MRAP2: variants seen among roughly 807,000 people sequenced by gnomAD.
MRAP2 encodes the protein melanocortin-2 receptor accessory protein 2.
MRAP2 carries 20 observed loss-of-function variants against 17.4 expected under a neutral mutation model. That is an observed-to-expected ratio of 1.15 (90% CI 0.81 to 1.67). The LOEUF is 1.67. Ranked by LOEUF, MRAP2 falls within the 40% of genes most tolerant of loss-of-function variation. The pLI, the probability that MRAP2 is intolerant of heterozygous loss-of-function variation, is 0.00. For synonymous variants in MRAP2, 96 were observed against 88.4 expected, an observed-to-expected ratio of 1.09 and a Z score of -0.48; for missense variants, 238 against 240.0, an observed-to-expected ratio of 0.99 and a Z score of 0.05.
At chr6:84,047,813 T>C (rs918025520) in intron 1 of MRAP2, among the ~76,000 whole-genome samples, 3 of 152,236 alleles carry the variant, frequency 2.0e-5, no homozygotes. Context: ...ACCAACCCAA[T>C]ACTTGCTGTC....
chr6:84,067,383 C>G (rs1391857114), intron 3 of MRAP2, among the ~76,000 whole-genome samples: 1 of 152,154 alleles, frequency 6.6e-6, no homozygotes, highest in Non-Finnish European at 1.5e-5. Context: ...TTCTTTTCTT[C>G]TGGGTAGATA....
chr6:84,040,089 C>T (rs533202864), intron 1 of MRAP2, among the ~76,000 whole-genome samples: 21 of 152,258 alleles, frequency 1.4e-4, no homozygotes, highest in Middle Eastern at 3.4e-3. Context: ...CCCCATGTGT[C>T]GTGGGAGGGA....
chr6:84,058,244 T>C (rs960259974), intron 2 of MRAP2, among the ~76,000 whole-genome samples: 1 of 152,180 alleles, frequency 6.6e-6, no homozygotes, highest in Non-Finnish European at 1.5e-5. Flanking sequence ...TTTGCCATAG[T>C]CCAGGCAGCT....
intron 1 of MRAP2, among the ~76,000 whole-genome samples, chr6:84,050,666 G>A (rs902923716): frequency 6.6e-6 from 1 of 152,242 alleles, no homozygotes; most frequent in Non-Finnish European, 1.5e-5. Flanking sequence ...ACTTCTCTAT[G>A]TTGTGCGGGG....
chr6:84,130,390 G>T, the MRAP2 span, among the ~76,000 whole-genome samples: 1 of 152,118 alleles, frequency 6.6e-6, no homozygotes, highest in Non-Finnish European at 1.5e-5. Flanking sequence ...TTAGGGAGGA[G>T]TCCCTCTTTT....
At chr6:84,071,174 C>T (rs1356977409) in intron 3 of MRAP2, among the ~76,000 whole-genome samples, 1 of 151,954 alleles carries the variant, frequency 6.6e-6, no homozygotes, top group Non-Finnish European at 1.5e-5. Context: ...TTTCATAGGT[C>T]CTGTGTGATT....
At chr6:84,087,840 C>T (rs912836449) in intron 3 of MRAP2, among the ~76,000 whole-genome samples, 1 of 152,068 alleles carries the variant, frequency 6.6e-6, no homozygotes, top group African/African-American at 2.4e-5. Context: ...TTGATGTCAC[C>T]CAGGTAACCA....
chr6:84,068,315 A>C lies in MRAP2; in HGVS notation c.227+5323A>C, dbSNP rs116614916. On this transcript the variant is annotated intron_variant, in intron 3 of 3. Coordinates refer to ENST00000257776, the MANE Select transcript of MRAP2 (RefSeq NM_138409.4). The stretch of plus-strand genomic sequence containing the variant: ...CTTATAGTATAGTTTGAAACCAGAT[A>C]GTATGATCCCTCCAGATTTGTTCTT... Among the ~76,000 whole-genome samples the C allele has an allele frequency of 5.9e-3, 906 of 152,304 alleles. 5 individuals are homozygous for C. Among genetic ancestry groups the C allele is most frequent in the African/African-American group, 0.021 (874 of 41,564 alleles).
the MRAP2 span, among the ~76,000 whole-genome samples, chr6:84,096,157 T>C: frequency 2.6e-5 from 4 of 152,258 alleles, no homozygotes; most frequent in East Asian, 7.7e-4. Context: ...AACTCTGTTT[T>C]TCTCCATCCC....
At chr6:84,050,056 A>C (rs909960646) in intron 1 of MRAP2, among the ~76,000 whole-genome samples, 1 of 152,164 alleles carries the variant, frequency 6.6e-6, no homozygotes, top group African/African-American at 2.4e-5. Flanking sequence ...CTTCAAAAGT[A>C]AGAGTCATAC....
chr6:84,109,299 C>A, the MRAP2 span, among the ~76,000 whole-genome samples: 9 of 152,126 alleles, frequency 5.9e-5, no homozygotes, highest in African/African-American at 2.2e-4. Flanking sequence ...TCCTCCTATC[C>A]GTGAGCATTG....
the MRAP2 span, among the ~76,000 whole-genome samples, chr6:84,123,271 C>T: frequency 7.2e-6 from 1 of 139,710 alleles, no homozygotes; most frequent in South Asian, 2.1e-4. Context: ...AAAAAAAAGC[C>T]TAAATAGCCA....
chr6:84,101,261 C>T, the MRAP2 span, among the ~76,000 whole-genome samples: 1 of 152,156 alleles, frequency 6.6e-6, no homozygotes, highest in South Asian at 2.1e-4. Flanking sequence ...AGATTATTTT[C>T]ATGGAGTTTA....
the MRAP2 span, among the ~76,000 whole-genome samples, chr6:84,118,995 A>T: frequency 6.6e-6 from 1 of 152,070 alleles, no homozygotes; most frequent in Non-Finnish European, 1.5e-5. Flanking sequence ...ATTATTTGTA[A>T]AAGTGTGGGT....
intron 1 of MRAP2, among the ~76,000 whole-genome samples, chr6:84,040,085 G>A (rs1181438895): frequency 6.6e-6 from 1 of 152,196 alleles, no homozygotes; most frequent in African/African-American, 2.4e-5. Flanking sequence ...TAATCCCCAT[G>A]TGTCGTGGGA....
the MRAP2 span, among the ~76,000 whole-genome samples, chr6:84,104,455 T>G: frequency 1.3e-5 from 2 of 152,248 alleles, no homozygotes; most frequent in Non-Finnish European, 1.5e-5. Context: ...AAATGGGATT[T>G]TCTTTTCTAT....
chr6:84,036,042 A>G (rs1015729135), intron 1 of MRAP2, among the ~76,000 whole-genome samples: 1 of 152,154 alleles, frequency 6.6e-6, no homozygotes, highest in South Asian at 2.1e-4. Context: ...TTTGTGTAAT[A>G]TATTTAAGGA....
chr6:84,084,917 A>AC (rs2099499972), intron 3 of MRAP2, among the ~76,000 whole-genome samples: 4 of 96,286 alleles, frequency 4.2e-5, no homozygotes, highest in African/African-American at 1.6e-4. Context: ...TATTTTATTT[A>AC]TTTATTTTAT....
the MRAP2 span, among the ~76,000 whole-genome samples, chr6:84,111,197 T>C: frequency 6.6e-6 from 1 of 152,220 alleles, no homozygotes; most frequent in Non-Finnish European, 1.5e-5. Flanking sequence ...CTTTGGGCAG[T>C]ATGATCATTT....
Sources: gnomAD v4.1 joint callset for allele counts (sites outside exome capture counted in the v4.1 genomes callset) on GRCh38, gnomAD v4.1.1 for gene constraint, MANE v1.5 for transcripts, NCBI Gene and HGNC (gene_info 2026-07-23, HGNC 2026-07-21) for gene names.